PDPR: variants seen among roughly 807,000 people sequenced by gnomAD.
The protein encoded by PDPR is pyruvate dehydrogenase phosphatase regulatory subunit, mitochondrial.
Under a neutral mutation model 102.2 loss-of-function variants are expected in PDPR, and 50 were observed. The ratio of observed to expected loss-of-function variants is 0.49; its 90% CI spans 0.39 to 0.62. The LOEUF is 0.62. Among genes scored for constraint, PDPR ranks in the 20% least tolerant of loss-of-function variants. The probability of loss-of-function intolerance (pLI) is 0.00; values close to 1 mark genes in which losing one functional copy is unlikely to be tolerated. For synonymous variants in PDPR, 259 were observed against 406.0 expected (o/e 0.64, Z 4.35); for missense variants, 625 against 1,098.2 (o/e 0.57, Z 6.09).
chr16:70,148,411 C>T (rs1490129751), intron 16 of PDPR, 53 bp from the exon 17 acceptor site: 1 of 1,281,326 alleles, frequency 7.8e-7, no homozygotes, highest in East Asian at 2.4e-5. Flanking sequence ...AGGCGTCCCT[C>T]CCTTGACAAG....
At chr16:70,132,026 C>G (rs1280235232) in intron 8 of PDPR, 125 bp from the exon 9 acceptor site, 1 of 1,569,414 alleles carries the variant, frequency 6.4e-7, no homozygotes, top group African/African-American at 1.4e-5. Context: ...ATTGAATGTT[C>G]TTTCATTAAT....
intron 3 of PDPR, among the ~76,000 whole-genome samples, chr16:70,121,995 T>G (rs1597296117): frequency 6.6e-6 from 1 of 150,546 alleles, no homozygotes; most frequent in East Asian, 1.9e-4. Flanking sequence ...CTTTTCTTTC[T>G]TTTTTTTTTG....
chr16:70,134,142 A>ATTGTT (rs367695092), intron 9 of PDPR, among the ~76,000 whole-genome samples: 163 of 152,286 alleles, frequency 1.1e-3, no homozygotes, highest in African/African-American at 3.6e-3. Context: ...AGAAAACAGA[A>ATTGTT]TTGTTTTGTT....
At chr16:70,143,056 A>G (rs1965890631) in intron 13 of PDPR, among the ~76,000 whole-genome samples, 1 of 152,260 alleles carries the variant, frequency 6.6e-6, no homozygotes, top group Non-Finnish European at 1.5e-5. Flanking sequence ...TTAACCAGGC[A>G]TGGTGGCGGG....
In PDPR at chr16:70,125,042, CTTT is replaced by C. The variant is rs531159624; in HGVS notation, c.228-2216_228-2214del. Among the ~76,000 whole-genome samples the C allele has an allele frequency of 3.3e-3, 508 of 152,022 alleles. 2 individuals are homozygous for C. Among genetic ancestry groups the C allele is most frequent in the African/African-American group, 0.011 (470 of 41,328 alleles). The stretch of plus-strand genomic sequence containing the variant: ...TTTTTTTCAATGTAAAGTTTATGTA[CTTT>C]TGAATAGGCAATGTATTTATATGAT... On this transcript the variant is annotated intron_variant, in intron 3 of 18. Coordinates refer to ENST00000288050, the MANE Select transcript of PDPR (RefSeq NM_017990.5).
At position 70,114,368 on chromosome 16, in the gene PDPR, A is replaced by C. The variant is rs1341195586; in HGVS notation, c.-215A>C. 1.9e-4 allele frequency: 28 copies of C among 150,876 alleles called. No homozygotes were observed. Among genetic ancestry groups the C allele is most frequent in the South Asian group, 6.3e-4 (3 of 4,780 alleles). 9.3% of individuals were successfully genotyped at this position (150,876 alleles called of 1,614,324 possible). On this transcript the variant is annotated 5_prime_UTR_variant, in exon 1 of 19. Transcript: ENST00000288050. Reference sequence around the variant, plus strand: ...CCGCTTTCCGGCCCGCGGCGACCCCAGGCAACTGTTGTGGCTGCCGCATTG... The same window carrying C: ...CCGCTTTCCGGCCCGCGGCGACCCCCGGCAACTGTTGTGGCTGCCGCATTG...
chr16:70,156,362 G>A, intron 18 of PDPR, 113 bp from the exon 19 acceptor site: 1 of 1,294,652 alleles, frequency 7.7e-7, no homozygotes, highest in South Asian at 1.5e-5. Context: ...GGTTGTGGGA[G>A]GAGGCGGCTG....
chr16:70,142,162 C>G (rs1349156327), intron 11 of PDPR, 72 bp from the exon 12 acceptor site: 2 of 1,524,334 alleles, frequency 1.3e-6, no homozygotes, highest in Non-Finnish European at 1.8e-6. Flanking sequence ...ACTCCAGAGT[C>G]TAGTGGACAT....
intron 9 of PDPR, among the ~76,000 whole-genome samples, chr16:70,135,805 C>G (rs1965070150): frequency 6.6e-6 from 1 of 152,268 alleles, no homozygotes; most frequent in African/African-American, 2.4e-5. Context: ...CAGTGGTTCA[C>G]ACCTATAATC....
rs547975577 is a variant in PDPR at position 70,132,422 on chromosome 16, G to A, written c.997+122G>A. 5.7e-4 allele frequency: 513 copies of A among 904,408 alleles called. 1 individual carries two copies. In the Middle Eastern group the frequency reaches 6.1e-3, roughly 11 times the overall value. 56.0% of individuals were successfully genotyped at this position (904,408 alleles called of 1,614,324 possible). On this transcript the variant is annotated intron_variant, in intron 9 of 18. Coordinates refer to ENST00000288050, the MANE Select transcript of PDPR (RefSeq NM_017990.5). ...TAACATCGCCATGAGGTACAACAGT[G>A]GTTACAGAGGGTGAGTTTGCCTGGT...
At chr16:70,142,140 T>G (rs1362046811) in intron 11 of PDPR, 94 bp from the exon 12 acceptor site, 5 of 1,422,296 alleles carry the variant, frequency 3.5e-6, no homozygotes, top group Non-Finnish European at 4.8e-6. Flanking sequence ...AAAGCTCTTT[T>G]GAATAGAAAC....
chr16:70,160,742 T>TTC lies in PDPR; in HGVS notation c.*3863_*3864insTC, dbSNP rs2152128799. ...GCTTCCACAGTATATTACCTGCCGT[T>TTC]GCATGCATTTGAAAGTTAGCCTCCT... On this transcript the variant is annotated 3_prime_UTR_variant, in exon 19 of 19. Coordinates refer to ENST00000288050, the MANE Select transcript of PDPR (RefSeq NM_017990.5). The TTC allele has an allele frequency of 6.6e-6, 1 of 152,584 alleles. No individual in the cohort carries two copies. Among genetic ancestry groups the TTC allele is most frequent in the South Asian group, 2.1e-4 (1 of 4,834 alleles). 9.5% of individuals were successfully genotyped at this position (152,584 alleles called of 1,614,324 possible).
chr16:70,142,572 G>A lies in PDPR; in HGVS notation c.1491G>A (p.Gln497=). The A allele has an allele frequency of 6.2e-7, 1 of 1,614,048 alleles. No individual in the cohort carries two copies. Among genetic ancestry groups the A allele is most frequent in the Non-Finnish European group, 8.5e-7 (1 of 1,179,886 alleles). ...PPDKDLLALE[Q]SKTFYKPDWF... ...CCGTAGACCTCCTGGCATTGGAGCA[G>A]AGCAAGACTTTCTATAAGCCAGATT... is the stretch of plus-strand genomic sequence containing the variant. Residue 497 remains glutamine, a synonymous_variant, in exon 13 of 19, where the codon CAG becomes CAA. Coordinates refer to ENST00000288050, the MANE Select transcript of PDPR (RefSeq NM_017990.5).
At chr16:70,128,069 G>C (rs559097635) in intron 4 of PDPR, among the ~76,000 whole-genome samples, 176 of 152,358 alleles carry the variant, frequency 1.2e-3, no homozygotes, top group Non-Finnish European at 1.9e-3. Context: ...GGCTATACTG[G>C]GGAAGAAGAA....
intron 16 of PDPR, among the ~76,000 whole-genome samples, chr16:70,148,178 GA>G: frequency 1.3e-5 from 2 of 152,230 alleles, no homozygotes; most frequent in Non-Finnish European, 2.9e-5. Context: ...TGGCAAAGAG[GA>G]ATATTTTGTG....
chr16:70,151,132 C>G, intron 17 of PDPR, among the ~76,000 whole-genome samples: 1 of 152,276 alleles, frequency 6.6e-6, no homozygotes, highest in East Asian at 1.9e-4. Context: ...GACAGGGTTT[C>G]ACCGTGTTGG....
chr16:70,128,128 C>G (rs917008439), intron 4 of PDPR, among the ~76,000 whole-genome samples: 1 of 152,224 alleles, frequency 6.6e-6, no homozygotes, highest in Admixed American at 6.5e-5. Context: ...TGGCCTTTGC[C>G]AGGGATTACA....
intron 18 of PDPR, among the ~76,000 whole-genome samples, chr16:70,155,193 A>C (rs1597385370): frequency 4.5e-5 from 2 of 44,456 alleles, no homozygotes; most frequent in East Asian, 3.7e-4. Context: ...CTCCATCTCC[A>C]AAAAAAAAAA....
intron 6 of PDPR, among the ~76,000 whole-genome samples, chr16:70,129,867 A>G (rs1297078803): frequency 6.6e-6 from 1 of 152,272 alleles, no homozygotes; most frequent in East Asian, 1.9e-4. Flanking sequence ...TCTGCTCCAT[A>G]GTTTATGATT....
Sources: allele counts gnomAD v4.1 joint callset (sites outside exome capture counted in the v4.1 genomes callset), GRCh38; gene constraint gnomAD v4.1.1; transcripts MANE v1.5; gene names NCBI Gene and HGNC (gene_info 2026-07-23, HGNC 2026-07-21).